The following UBR1 variants were observed in gnomAD, a reference collection of about 807,000 sequenced individuals.
UBR1 encodes ubiquitin protein ligase E3 component n-recognin 1.
A neutral mutation model predicts 242.1 loss-of-function variants in UBR1; 102 were observed. The observed-to-expected ratio is 0.42, with a 90% CI of 0.36 to 0.50. The LOEUF is 0.50. Ranked by LOEUF, UBR1 falls within the 20% of genes least tolerant of loss-of-function variation. The pLI is 0.01. For missense variants in UBR1, 1,772 were observed against 2,101.8 expected (o/e 0.84, Z 3.07); for synonymous variants, 675 against 684.8 (o/e 0.99, Z 0.22).
chr15:43,056,278 G>A, intron 11 of UBR1, 66 bp downstream of exon 11: 2 of 1,201,092 alleles, frequency 1.7e-6, no homozygotes, highest in Non-Finnish European at 2.5e-6. Context: ...TCAACATTAA[G>A]TGGAATTCTT....
chr15:42,962,450 G>A (rs1301675550), intron 42 of UBR1, among the ~76,000 whole-genome samples: 2 of 152,078 alleles, frequency 1.3e-5, no homozygotes, highest in Admixed American at 1.3e-4. Flanking sequence ...CATCAGAGAT[G>A]CCCCACAAGA....
chr15:43,034,064 C>A (rs1478019274), intron 19 of UBR1, among the ~76,000 whole-genome samples: 1 of 151,938 alleles, frequency 6.6e-6, no homozygotes, highest in African/African-American at 2.4e-5. Flanking sequence ...ATGGTGAAAC[C>A]CCGTCTCTAC....
intron 44 of UBR1, among the ~76,000 whole-genome samples, chr15:42,957,710 A>T (rs541318153): frequency 2.6e-5 from 4 of 152,118 alleles, no homozygotes; most frequent in Non-Finnish European, 5.9e-5. Flanking sequence ...CCTTGTCTCT[A>T]TGAAAAATTA....
chr15:42,997,600 G>T (rs959033374), intron 33 of UBR1, among the ~76,000 whole-genome samples: 2 of 152,274 alleles, frequency 1.3e-5, no homozygotes, highest in Non-Finnish European at 2.9e-5. Flanking sequence ...CAACTGTAAA[G>T]AATATGTAAA....
At position 42,976,784 on chromosome 15, in the gene UBR1, G is replaced by A. The variant is rs746788131; in HGVS notation, c.4302C>T (p.Asn1434=). Residue 1434 remains asparagine, a synonymous_variant, in exon 39 of 47, where the codon AAC becomes AAT. Coordinates refer to ENST00000290650, the MANE Select transcript of UBR1 (RefSeq NM_174916.3). ...LQPSSVSSSY[N]HLYLFHLITM... ...TGATCAAATGGAAGAGATAAAGGTG[G>A]TTATAGGAAGAACTAACTGAAGAAG... 1 of 1,614,104 alleles carries A rather than the reference G, an allele frequency of 6.2e-7. No homozygotes were observed. Among genetic ancestry groups the A allele is most frequent in the Non-Finnish European group, 8.5e-7 (1 of 1,180,012 alleles).
At chr15:42,999,185 C>T (rs1378184015) in intron 32 of UBR1, among the ~76,000 whole-genome samples, 3 of 152,092 alleles carry the variant, frequency 2.0e-5, no homozygotes, top group Non-Finnish European at 2.9e-5. Flanking sequence ...GTGATCCGCC[C>T]GCCTCAGCCT....
At chr15:43,013,860 TCCTCCCCTTCCC>T (rs1331434333) in intron 29 of UBR1, among the ~76,000 whole-genome samples, 1 of 152,104 alleles carries the variant, frequency 6.6e-6, no homozygotes, top group Non-Finnish European at 1.5e-5. Flanking sequence ...TGGCCTCTCC[TCCTCCCCTTCCC>T]CCTCCCCCTC....
rs770925682 is a variant in UBR1, at chr15:42,966,291, G to C, written c.4458-5C>G. ...GGAATATCACACCCAATGGAGCTAG[G>C]AGACAATAATTCCAGAAGAGAACAG... On this transcript the variant is annotated splice_polypyrimidine_tract_variant and splice_region_variant and intron_variant, in intron 40 of 46. Transcript: ENST00000290650. 6.2e-7 allele frequency: 1 copy of C among 1,614,086 alleles called. No homozygotes were observed. The highest frequency in any genetic ancestry group is 1.7e-5 in the Admixed American group (1 of 60,016).
intron 41 of UBR1, among the ~76,000 whole-genome samples, chr15:42,964,578 C>T (rs940814759): frequency 6.6e-6 from 1 of 152,168 alleles, no homozygotes; most frequent in African/African-American, 2.4e-5. Flanking sequence ...GATCGGATGG[C>T]TCTAATGTGT....
chr15:43,094,833 A>T (rs1332123340), intron 1 of UBR1, among the ~76,000 whole-genome samples: 1 of 152,354 alleles, frequency 6.6e-6, no homozygotes, highest in East Asian at 1.9e-4. Context: ...TGATAAAATA[A>T]GCCAGAGTCA....
chr15:42,952,232 G>C, intron 45 of UBR1, 46 bp downstream of exon 45: 1 of 1,613,128 alleles, frequency 6.2e-7, no homozygotes, highest in Non-Finnish European at 8.5e-7. Flanking sequence ...ATTGGATCCA[G>C]ATTCCTTAAG....
chr15:42,966,000 T>G (rs2032099603), intron 41 of UBR1, among the ~76,000 whole-genome samples, 153 bp downstream of exon 41: 1 of 152,192 alleles, frequency 6.6e-6, no homozygotes, highest in Non-Finnish European at 1.5e-5. Flanking sequence ...ACCTTTAACC[T>G]ACACCAGGGC....
At chr15:43,049,077 T>C (rs139200211) in intron 12 of UBR1, among the ~76,000 whole-genome samples, 5 of 152,346 alleles carry the variant, frequency 3.3e-5, no homozygotes, top group South Asian at 4.1e-4. Flanking sequence ...ACAATGTTTA[T>C]CATGAAATGA....
At chr15:42,947,726 A>C (rs1367480683) in intron 46 of UBR1, among the ~76,000 whole-genome samples, 1 of 152,236 alleles carries the variant, frequency 6.6e-6, no homozygotes, top group Non-Finnish European at 1.5e-5. Flanking sequence ...CCAACTTACA[A>C]GGGACGTTTA....
intron 29 of UBR1, among the ~76,000 whole-genome samples, chr15:43,014,743 T>G (rs1308445742): frequency 1.6e-5 from 2 of 127,132 alleles, no homozygotes; most frequent in African/African-American, 2.8e-5. Context: ...GTCTGGGAAG[T>G]GAGGACCGTC....
chr15:43,043,465 G>A, intron 14 of UBR1, 70 bp from the exon 15 acceptor site: 1 of 1,470,376 alleles, frequency 6.8e-7, no homozygotes. Context: ...TTTGTTTTGA[G>A]ACAGCCTGTC....
Position 42,984,883 on chromosome 15 carries a change from A to C in UBR1, c.4053+4T>G. The stretch of plus-strand genomic sequence containing the variant: ...TTACATGTACCTTGTTGGAATATAC[A>C]TACCTGCCTATTTTGAAGTGCTCCA... On this transcript the variant is annotated splice_donor_region_variant and intron_variant, in intron 36 of 46. Transcript: ENST00000290650. 6.2e-7 allele frequency: 1 copy of C among 1,611,200 alleles called. No individual in the cohort carries two copies. Among genetic ancestry groups the C allele is most frequent in the Non-Finnish European group, 8.5e-7 (1 of 1,177,756 alleles).
chr15:42,994,001 T>C (rs1390521849), intron 33 of UBR1, among the ~76,000 whole-genome samples: 1 of 152,210 alleles, frequency 6.6e-6, no homozygotes, highest in Non-Finnish European at 1.5e-5. Flanking sequence ...TCCATGGATT[T>C]GATCTGTGTT....
At chr15:42,952,722 T>C (rs2031854824) in intron 44 of UBR1, among the ~76,000 whole-genome samples, 1 of 152,200 alleles carries the variant, frequency 6.6e-6, no homozygotes, top group South Asian at 2.1e-4. Context: ...GGTGGTTGAA[T>C]ATGCCTTGTG....
Sources: allele counts gnomAD v4.1 joint callset (sites outside exome capture counted in the v4.1 genomes callset), GRCh38; gene constraint gnomAD v4.1.1; transcripts MANE v1.5; gene names NCBI Gene and HGNC (gene_info 2026-07-23, HGNC 2026-07-21).